Variants in CDK8 observed in about 807,000 individuals in gnomAD.
CDK8 encodes cyclin-dependent kinase 8.
In CDK8, 29 loss-of-function variants were observed where a neutral mutation model predicts 71.5. That is an observed-to-expected ratio of 0.41 (90% CI 0.30 to 0.55). CDK8 has a LOEUF of 0.55. Among genes scored for constraint, CDK8 ranks in the 20% least tolerant of loss-of-function variants. The pLI is 0.37. For missense variants in CDK8, 288 were observed against 572.6 expected (o/e 0.50, Z 5.07); for synonymous variants, 161 against 192.1 (o/e 0.84, Z 1.34).
Position 26,404,699 on chromosome 13 carries a change from C to T in CDK8, c.*618C>T, listed in dbSNP as rs1181551945. 1 of 228,092 alleles carries T rather than the reference C, an allele frequency of 4.4e-6. No homozygotes were observed. Among genetic ancestry groups the T allele is most frequent in the East Asian group, 6.3e-5 (1 of 15,830 alleles). 14.1% of individuals were successfully genotyped at this position (228,092 alleles called of 1,614,324 possible). A position where few individuals can be genotyped will look rare whatever the true frequency, so the allele number is the denominator to read the frequency against. ...TTTTCCAGAAAGGTTTCAAAACTCC[C>T]AAAGATTAACTTCCAACTTATAAGT... On this transcript the variant is annotated 3_prime_UTR_variant, in exon 13 of 13. Transcript: ENST00000381527.
chr13:26,323,636 A>G (rs1242742742), intron 1 of CDK8, among the ~76,000 whole-genome samples: 2 of 152,064 alleles, frequency 1.3e-5, no homozygotes, highest in Non-Finnish European at 2.9e-5. Context: ...TCCAACCCAG[A>G]TATCTTTATT....
At chr13:26,336,841 AC>A (rs1209495133) in intron 1 of CDK8, among the ~76,000 whole-genome samples, 4 of 152,130 alleles carry the variant, frequency 2.6e-5, no homozygotes, top group Admixed American at 2.6e-4. Context: ...GGCGTGAGCC[AC>A]CGCGCCCGGC....
chr13:26,399,155 G>A (rs184064469), intron 9 of CDK8, among the ~76,000 whole-genome samples: 133 of 151,670 alleles, frequency 8.8e-4, no homozygotes, highest in African/African-American at 2.9e-3. Context: ...GATTACAGGC[G>A]CCTGCCACCA....
chr13:26,331,675 T>C (rs368187742), intron 1 of CDK8, among the ~76,000 whole-genome samples: 14 of 152,220 alleles, frequency 9.2e-5, no homozygotes, highest in African/African-American at 2.7e-4. Context: ...GGGTTACTTA[T>C]CTGTTTTTCT....
rs9578999 is a variant in CDK8, at chr13:26,338,143, G to T, written c.204+501G>T. Reference sequence around the variant, plus strand: ...AATCTCATTTTGATTCCAAAGGGAAGTAGTCTTTGGGTTAATGCATTAATA... The same window carrying T: ...AATCTCATTTTGATTCCAAAGGGAATTAGTCTTTGGGTTAATGCATTAATA... On this transcript the variant is annotated intron_variant, in intron 2 of 12. Transcript: ENST00000381527. Among the ~76,000 whole-genome samples the T allele has an allele frequency of 6.8e-3, 1,030 of 152,140 alleles. 8 individuals carry two copies. Among genetic ancestry groups the T allele is most frequent in the Middle Eastern group, 0.024 (7 of 292 alleles).
intron 1 of CDK8, among the ~76,000 whole-genome samples, chr13:26,279,794 AT>A (rs937778572): frequency 2.2e-4 from 34 of 152,318 alleles, no homozygotes; most frequent in African/African-American, 8.2e-4. Context: ...TGAAAATGTT[AT>A]TTTGGGGGTG....
At chr13:26,295,280 A>G (rs532283824) in intron 1 of CDK8, among the ~76,000 whole-genome samples, 17 of 151,990 alleles carry the variant, frequency 1.1e-4, no homozygotes, top group Non-Finnish European at 2.4e-4. Flanking sequence ...AGACTTTGGT[A>G]TGTGTAGATT....
intron 2 of CDK8, among the ~76,000 whole-genome samples, chr13:26,348,326 C>T (rs1030584911): frequency 1.1e-4 from 16 of 152,034 alleles, no homozygotes; most frequent in East Asian, 3.9e-4. Context: ...AGCACCGGTA[C>T]GTTAGGAATT....
intron 1 of CDK8, among the ~76,000 whole-genome samples, chr13:26,263,725 C>T (rs1871887404): frequency 1.3e-5 from 2 of 151,794 alleles, no homozygotes; most frequent in African/African-American, 2.4e-5. Context: ...AGGCGTGAGC[C>T]ACCGCGCCCG....
chr13:26,279,472 A>C (rs1872665665), intron 1 of CDK8, among the ~76,000 whole-genome samples: 1 of 152,174 alleles, frequency 6.6e-6, no homozygotes, highest in South Asian at 2.1e-4. Context: ...GAAAAAAAAA[A>C]ATCACCGGTA....
intron 6 of CDK8, among the ~76,000 whole-genome samples, chr13:26,390,069 A>G (rs1417044557): frequency 6.6e-6 from 1 of 152,208 alleles, no homozygotes; most frequent in East Asian, 1.9e-4. Flanking sequence ...ACCAGCCTCT[A>G]CCACACAATC....
intron 2 of CDK8, among the ~76,000 whole-genome samples, chr13:26,347,784 G>C (rs1024789684): frequency 6.6e-6 from 1 of 152,122 alleles, no homozygotes; most frequent in African/African-American, 2.4e-5. Context: ...AGGGAAAAAA[G>C]GGAGAAATAA....
chr13:26,382,717 A>G (rs1172729023), intron 4 of CDK8, 97 bp from the exon 5 acceptor site: 1 of 709,080 alleles, frequency 1.4e-6, no homozygotes. Context: ...AATAAATGAG[A>G]TTTTTTAAAA....
chr13:26,280,331 C>G (rs1325060153), intron 1 of CDK8, among the ~76,000 whole-genome samples: 1 of 152,090 alleles, frequency 6.6e-6, no homozygotes, highest in Non-Finnish European at 1.5e-5. Context: ...AACATTTTGC[C>G]CATTTGCCTC....
chr13:26,275,463 A>C (rs181094769), intron 1 of CDK8, among the ~76,000 whole-genome samples: 36 of 152,344 alleles, frequency 2.4e-4, no homozygotes, highest in Admixed American at 2.2e-3. Context: ...CATATTGCCT[A>C]CTACAAGGTA....
At chr13:26,280,884 T>C (rs1409219251) in intron 1 of CDK8, among the ~76,000 whole-genome samples, 1 of 152,226 alleles carries the variant, frequency 6.6e-6, no homozygotes, top group African/African-American at 2.4e-5. Context: ...TGTGGACTTC[T>C]TGCTCCAGGA....
chr13:26,283,960 A>G (rs1003095971), intron 1 of CDK8, among the ~76,000 whole-genome samples: 2 of 152,134 alleles, frequency 1.3e-5, no homozygotes, highest in Admixed American at 1.3e-4. Flanking sequence ...CCACAGTGGA[A>G]TAAAATTGGA....
chr13:26,352,063 T>C (rs1286088144), intron 3 of CDK8, among the ~76,000 whole-genome samples: 1 of 152,124 alleles, frequency 6.6e-6, no homozygotes, highest in African/African-American at 2.4e-5. Context: ...TTAATTACCT[T>C]ACCTCTCCTA....
intron 1 of CDK8, among the ~76,000 whole-genome samples, chr13:26,322,920 C>G (rs57500151): frequency 0.036 from 5,415 of 152,190 alleles, 314 homozygotes; most frequent in African/African-American, 0.12. Context: ...TCTCCTCTCA[C>G]GATAATTTTT....
Sources: allele counts gnomAD v4.1 joint callset (sites outside exome capture counted in the v4.1 genomes callset), GRCh38; gene constraint gnomAD v4.1.1; transcripts MANE v1.5; gene names NCBI Gene and HGNC (gene_info 2026-07-23, HGNC 2026-07-21).